CAMK1D: variants seen among roughly 807,000 people sequenced by gnomAD.
The protein encoded by CAMK1D is calcium/calmodulin-dependent protein kinase type 1D.
In CAMK1D, 9 loss-of-function variants were observed where a neutral mutation model predicts 47.7. That is an observed-to-expected ratio of 0.19 (90% CI 0.11 to 0.33). The LOEUF is 0.33. CAMK1D is among the 10% of genes least tolerant of loss of function. The pLI is 1.00. For missense variants in CAMK1D, 291 were observed against 488.7 expected (o/e 0.60, Z 3.81); for synonymous variants, 184 against 184.9 (o/e 0.99, Z 0.04).
chr10:12,405,010 G>C (rs989938683), intron 1 of CAMK1D, among the ~76,000 whole-genome samples: 1 of 152,142 alleles, frequency 6.6e-6, no homozygotes, highest in Non-Finnish European at 1.5e-5. Flanking sequence ...TGAGCATTAA[G>C]TAATTTCCTT....
intron 3 of CAMK1D, among the ~76,000 whole-genome samples, chr10:12,685,868 C>T (rs193288828): frequency 1.3e-5 from 2 of 152,156 alleles, no homozygotes; most frequent in Non-Finnish European, 2.9e-5. Context: ...AAAGTTGTGC[C>T]GGAGATTATG....
intron 2 of CAMK1D, among the ~76,000 whole-genome samples, chr10:12,632,264 G>T (rs1391455422): frequency 6.6e-6 from 1 of 152,242 alleles, no homozygotes; most frequent in Non-Finnish European, 1.5e-5. Context: ...TTTATGAGCA[G>T]AAACTGGAAA....
At chr10:12,816,870 C>A (rs1435000377) in intron 8 of CAMK1D, among the ~76,000 whole-genome samples, 2 of 105,772 alleles carry the variant, frequency 1.9e-5, no homozygotes, top group Non-Finnish European at 1.8e-5. Context: ...AAAACTCTGT[C>A]TCAAAAAAAA....
intron 5 of CAMK1D, among the ~76,000 whole-genome samples, chr10:12,776,834 G>A (rs1179327410): frequency 1.3e-5 from 2 of 152,124 alleles, no homozygotes; most frequent in Non-Finnish European, 2.9e-5. Flanking sequence ...TGAAAAACAC[G>A]ACACCAAATA....
At chr10:12,448,042 C>A (rs759011730) in intron 1 of CAMK1D, among the ~76,000 whole-genome samples, 114 of 142,188 alleles carry the variant, frequency 8.0e-4, no homozygotes, top group Non-Finnish European at 1.5e-3. Flanking sequence ...TTAGTAGAGA[C>A]AGGGTTTCAC....
intron 1 of CAMK1D, among the ~76,000 whole-genome samples, chr10:12,366,870 G>C (rs1837851249): frequency 6.6e-6 from 1 of 152,044 alleles, no homozygotes; most frequent in Non-Finnish European, 1.5e-5. Context: ...GTGGATATAG[G>C]GGCGGCTTTA....
intron 4 of CAMK1D, among the ~76,000 whole-genome samples, chr10:12,762,722 G>C (rs977956090): frequency 6.6e-6 from 1 of 152,150 alleles, no homozygotes; most frequent in Non-Finnish European, 1.5e-5. Flanking sequence ...TCCTCTGCAG[G>C]CTTCTTGACA....
rs540006472 is a variant in CAMK1D at position 12,354,999 on chromosome 10, G to A, written c.92+5089G>A. Among the ~76,000 whole-genome samples, 653 of 151,930 alleles carry A rather than the reference G, an allele frequency of 4.3e-3. 1 individual carries two copies. The highest frequency in any genetic ancestry group is 7.9e-3 in the Non-Finnish European group (538 of 67,990). ...CAGGACTACAGGTGTGCACCACCAT[G>A]CCTGGCTAACTTTTTTATTTTTTTG... On this transcript the variant is annotated intron_variant, in intron 1 of 10. Coordinates refer to ENST00000619168, the MANE Select transcript of CAMK1D (RefSeq NM_153498.4).
At chr10:12,413,494 G>A (rs540581958) in intron 1 of CAMK1D, among the ~76,000 whole-genome samples, 107 of 152,404 alleles carry the variant, frequency 7.0e-4, no homozygotes, top group African/African-American at 2.4e-3. Context: ...TGATGATGGC[G>A]ATGATGACAG....
intron 2 of CAMK1D, among the ~76,000 whole-genome samples, chr10:12,633,483 T>C (rs1021173358): frequency 1.3e-5 from 2 of 152,182 alleles, no homozygotes. Context: ...AACAGCGTCC[T>C]TATATCCCTG....
intron 2 of CAMK1D, among the ~76,000 whole-genome samples, chr10:12,611,266 TCCACTAAACGCAGG>T (rs1838611004): frequency 6.6e-6 from 1 of 151,974 alleles, no homozygotes. Context: ...AGACTCCACC[TCCACTAAACGCAGG>T]CCCTGTGCCC....
chr10:12,560,003 G>T (rs1249133525), intron 2 of CAMK1D, among the ~76,000 whole-genome samples: 1 of 152,182 alleles, frequency 6.6e-6, no homozygotes. Flanking sequence ...TTATCCTCCA[G>T]TTACCTTAAG....
intron 1 of CAMK1D, among the ~76,000 whole-genome samples, chr10:12,361,134 GT>G (rs1297002780): frequency 2.6e-5 from 4 of 152,114 alleles, no homozygotes; most frequent in African/African-American, 9.7e-5. Flanking sequence ...TGTTAGCATG[GT>G]CAGTAAAAAT....
chr10:12,601,576 G>A (rs572507324), intron 2 of CAMK1D, among the ~76,000 whole-genome samples: 238 of 152,228 alleles, frequency 1.6e-3, no homozygotes, highest in South Asian at 6.0e-3. Flanking sequence ...TGATTCTCCC[G>A]TCTCAGCCTC....
At chr10:12,744,022 CAAAAAAA>C (rs60844942) in intron 3 of CAMK1D, among the ~76,000 whole-genome samples, 3 of 99,836 alleles carry the variant, frequency 3.0e-5, no homozygotes, top group Non-Finnish European at 7.4e-5. Flanking sequence ...GACTCCGTTT[CAAAAAAA>C]AAAAAAAAAA....
At chr10:12,533,044 A>G (rs544587447) in intron 1 of CAMK1D, among the ~76,000 whole-genome samples, 30 of 152,344 alleles carry the variant, frequency 2.0e-4, no homozygotes, top group Non-Finnish European at 3.8e-4. Flanking sequence ...ACTATAAGTC[A>G]ATAATAATTG....
chr10:12,576,262 G>A (rs1045883078), intron 2 of CAMK1D, among the ~76,000 whole-genome samples: 1 of 152,040 alleles, frequency 6.6e-6, no homozygotes, highest in Non-Finnish European at 1.5e-5. Context: ...TATTTTGGGG[G>A]TTTTGTACCT....
Position 12,364,482 on chromosome 10 carries a change from A to T in CAMK1D, c.92+14572A>T, listed in dbSNP as rs561450296. 2.6e-5 allele frequency among the ~76,000 whole-genome samples: 4 copies of T among 152,078 alleles called. No individual in the cohort carries two copies. In the East Asian group the frequency reaches 7.7e-4, roughly 29 times the overall value. ...GGTCTTGAACTTCTGACCTCAGGTG[A>T]TCCGCCCACCTAGGCCTCCCGAAGT... On this transcript the variant is annotated intron_variant, in intron 1 of 10. Coordinates refer to ENST00000619168, the MANE Select transcript of CAMK1D (RefSeq NM_153498.4).
At chr10:12,522,342 C>T (rs1209018788) in intron 1 of CAMK1D, among the ~76,000 whole-genome samples, 2 of 118,230 alleles carry the variant, frequency 1.7e-5, no homozygotes, top group Non-Finnish European at 3.8e-5. Flanking sequence ...GAGGACCCTG[C>T]GGCCCTCCGC....
Sources: allele counts gnomAD v4.1 joint callset (sites outside exome capture counted in the v4.1 genomes callset), GRCh38; gene constraint gnomAD v4.1.1; transcripts MANE v1.5; gene names NCBI Gene and HGNC (gene_info 2026-07-23, HGNC 2026-07-21).